CLOCK: variants seen among roughly 807,000 people sequenced by gnomAD.
CLOCK encodes the protein clock circadian regulator, also known as circadian locomoter output cycles protein kaput.
A neutral mutation model predicts 118.4 loss-of-function variants in CLOCK; 43 were observed. The observed-to-expected ratio is 0.36, with a 90% CI of 0.28 to 0.47. The LOEUF (loss-of-function observed/expected upper bound fraction) is 0.47, where lower values mean the gene tolerates loss of function less well. Among genes scored for constraint, CLOCK ranks in the 20% least tolerant of loss-of-function variants. The probability of loss-of-function intolerance (pLI) is 1.00; values close to 1 mark genes in which losing one functional copy is unlikely to be tolerated. For synonymous variants in CLOCK, 326 were observed against 339.2 expected (o/e 0.96, Z 0.43); for missense variants, 846 against 999.9 (o/e 0.85, Z 2.08).
At chr4:55,483,399 G>A (rs1727065669) in intron 3 of CLOCK, among the ~76,000 whole-genome samples, 1 of 152,236 alleles carries the variant, frequency 6.6e-6, no homozygotes, top group Non-Finnish European at 1.5e-5. Flanking sequence ...TATTCTTGAT[G>A]ACAGTAAGTC....
In CLOCK at chr4:55,542,373, ATAATAATATTATTAT is replaced by A. The variant is rs1397013563; in HGVS notation, c.-290+4394_-290+4408del. ...AATAATAATAATAATAATAATAATA[ATAATAATATTATTAT>A]TATTATTATTATTAATGTCTATGCT... On this transcript the variant is annotated intron_variant, in intron 1 of 22. Coordinates refer to ENST00000513440, the MANE Select transcript of CLOCK (RefSeq NM_004898.4). 4.2e-3 allele frequency among the ~76,000 whole-genome samples: 202 copies of A among 47,650 alleles called. No individual in the cohort carries two copies. In the East Asian group the frequency reaches 0.054, roughly 13 times the overall value. 31.3% of individuals were successfully genotyped at this position (47,650 alleles called of 152,430 possible).
intron 22 of CLOCK, among the ~76,000 whole-genome samples, chr4:55,437,247 C>A (rs955008271): frequency 6.6e-6 from 1 of 152,024 alleles, no homozygotes; most frequent in African/African-American, 2.4e-5. Flanking sequence ...TATATTTATG[C>A]CTGAATATAG....
rs771094271 is a variant in CLOCK at position 55,448,800 on chromosome 4, T to G, written c.1518A>C (p.Pro506=). The change falls in exon 18 of 23, where the codon CCA becomes CCC. Residue 506 remains proline, a synonymous_variant. Coordinates refer to ENST00000513440, the MANE Select transcript of CLOCK (RefSeq NM_004898.4). ...QPVMSQATNL[P]IPQGMSQFQF... is the part of the protein sequence containing the mutation. ...GTACCTGGGACATGCCTTGTGGAATTGGTAAATTTGTAGCTTGAGACATCA... is the reference window on the plus strand; with the variant it reads ...GTACCTGGGACATGCCTTGTGGAATGGGTAAATTTGTAGCTTGAGACATCA... The G allele has an allele frequency of 3.9e-5, 63 of 1,613,800 alleles. No homozygotes were observed. Among genetic ancestry groups the G allele is most frequent in the Middle Eastern group, 1.6e-4 (1 of 6,084 alleles).
intron 1 of CLOCK, among the ~76,000 whole-genome samples, chr4:55,526,403 T>C (rs2110075863): frequency 6.6e-6 from 1 of 152,320 alleles, no homozygotes; most frequent in South Asian, 2.1e-4. Flanking sequence ...AATCTTAACA[T>C]CTTTAACACT....
At chr4:55,506,450 T>TA (rs1412860638) in intron 2 of CLOCK, among the ~76,000 whole-genome samples, 1 of 152,028 alleles carries the variant, frequency 6.6e-6, no homozygotes, top group East Asian at 1.9e-4. Flanking sequence ...GAAGTTCCAT[T>TA]AAAAAAAGAG....
intron 8 of CLOCK, among the ~76,000 whole-genome samples, chr4:55,468,131 A>AT (rs1279775322): frequency 6.6e-6 from 1 of 151,908 alleles, no homozygotes; most frequent in African/African-American, 2.4e-5. Flanking sequence ...TATTTTTTTA[A>AT]TTTTTTTGTA....
intron 20 of CLOCK, 94 bp downstream of exon 20, chr4:55,443,590 AATG>A (rs779274659): frequency 8.5e-6 from 8 of 944,012 alleles, no homozygotes; most frequent in South Asian, 4.1e-5. Context: ...TAAATTTTGA[AATG>A]ATATTTTATC....
intron 1 of CLOCK, among the ~76,000 whole-genome samples, chr4:55,546,265 G>A (rs1449687253): frequency 6.6e-6 from 1 of 151,990 alleles, no homozygotes; most frequent in Non-Finnish European, 1.5e-5. Flanking sequence ...GCCCGGCCCC[G>A]CCGTGCACCC....
intron 1 of CLOCK, among the ~76,000 whole-genome samples, chr4:55,511,724 G>C (rs542682683): frequency 6.6e-6 from 1 of 152,190 alleles, no homozygotes; most frequent in Non-Finnish European, 1.5e-5. Flanking sequence ...ACACCGAATA[G>C]TTTCATCGGC....
chr4:55,523,784 T>C (rs1406047979), intron 1 of CLOCK, among the ~76,000 whole-genome samples: 1 of 152,170 alleles, frequency 6.6e-6, no homozygotes, highest in Non-Finnish European at 1.5e-5. Context: ...ATTTCTACTC[T>C]TCTTGCAATT....
chr4:55,438,103 G>C (rs1425070488), intron 22 of CLOCK, among the ~76,000 whole-genome samples, 179 bp downstream of exon 22: 1 of 152,156 alleles, frequency 6.6e-6, no homozygotes, highest in Non-Finnish European at 1.5e-5. Flanking sequence ...TCCAACGACT[G>C]AGCAAGGGAA....
At chr4:55,531,237 A>C (rs902935012) in intron 1 of CLOCK, among the ~76,000 whole-genome samples, 1 of 152,182 alleles carries the variant, frequency 6.6e-6, no homozygotes, top group Non-Finnish European at 1.5e-5. Context: ...CATAGAAAAA[A>C]AAAATAGCCC....
intron 2 of CLOCK, among the ~76,000 whole-genome samples, chr4:55,492,367 AAAC>A (rs918552232): frequency 1.3e-5 from 2 of 151,766 alleles, no homozygotes; most frequent in African/African-American, 2.4e-5. Context: ...TAAAAAAAAA[AAAC>A]GCCATTCAAC....
chr4:55,529,786 C>T (rs2035691), intron 1 of CLOCK, among the ~76,000 whole-genome samples: 46,172 of 151,982 alleles, frequency 0.3, 7,602 homozygotes, highest in East Asian at 0.58. Context: ...GTGATCTAAA[C>T]CCACACAGTC....
At chr4:55,442,779 A>G in intron 20 of CLOCK, 145 bp from the exon 21 acceptor site, 1 of 757,032 alleles carries the variant, frequency 1.3e-6, no homozygotes, top group Non-Finnish European at 2.2e-6. Context: ...ATATAACCAC[A>G]AAGGAATGAC....
intron 14 of CLOCK, 145 bp from the exon 15 acceptor site, chr4:55,453,274 T>C (rs1210327098): frequency 9.1e-6 from 6 of 662,166 alleles, no homozygotes; most frequent in South Asian, 2.0e-5. Flanking sequence ...AATATACCTA[T>C]AATGTCTTAA....
At chr4:55,543,190 G>GA (rs1469961840) in intron 1 of CLOCK, among the ~76,000 whole-genome samples, 1 of 152,148 alleles carries the variant, frequency 6.6e-6, no homozygotes, top group Non-Finnish European at 1.5e-5. Flanking sequence ...AGTTTACAGT[G>GA]AATTAAATCT....
chr4:55,450,341 C>T, intron 15 of CLOCK, 109 bp from the exon 16 acceptor site: 1 of 1,242,410 alleles, frequency 8.0e-7, no homozygotes, highest in Non-Finnish European at 1.2e-6. Flanking sequence ...TATAACAAGG[C>T]AAAAGTACCT....
intron 3 of CLOCK, among the ~76,000 whole-genome samples, chr4:55,485,494 C>T (rs1183127518): frequency 2.6e-5 from 4 of 152,194 alleles, no homozygotes; most frequent in South Asian, 2.1e-4. Context: ...GCAAGTCCCA[C>T]GCTTTCAATT....
Sources: gnomAD v4.1 joint callset for allele counts (sites outside exome capture counted in the v4.1 genomes callset) on GRCh38, gnomAD v4.1.1 for gene constraint, MANE v1.5 for transcripts, NCBI Gene and HGNC (gene_info 2026-07-23, HGNC 2026-07-21) for gene names.